Variants in KIF6 observed in about 807,000 individuals in gnomAD.
KIF6 encodes the protein kinesin family member 6.
Under a neutral mutation model 112.7 loss-of-function variants are expected in KIF6, and 106 were observed. The ratio of observed to expected loss-of-function variants is 0.94; its 90% CI spans 0.80 to 1.11. KIF6 has a LOEUF of 1.11. Ranked by LOEUF, KIF6 falls within the 50% of genes least tolerant of loss-of-function variation. KIF6 has a pLI of 0.00. For missense variants in KIF6, 929 were observed against 964.0 expected (o/e 0.96, Z 0.48); for synonymous variants, 339 against 339.9 (o/e 1.00, Z 0.03).
chr6:39,358,158 T>C (rs1359104714), intron 18 of KIF6, among the ~76,000 whole-genome samples: 1 of 152,198 alleles, frequency 6.6e-6, no homozygotes, highest in Non-Finnish European at 1.5e-5. Flanking sequence ...GGTCTAAGTC[T>C]TGGCAGAATG....
At chr6:39,545,356 C>A (rs190698866) in intron 11 of KIF6, among the ~76,000 whole-genome samples, 2 of 152,230 alleles carry the variant, frequency 1.3e-5, no homozygotes, top group East Asian at 1.9e-4. Flanking sequence ...GGTAGAGATT[C>A]CTGACAAAAG....
At chr6:39,445,837 G>C (rs1185408403) in intron 13 of KIF6, among the ~76,000 whole-genome samples, 1 of 152,218 alleles carries the variant, frequency 6.6e-6, no homozygotes, top group Non-Finnish European at 1.5e-5. Context: ...GAAGGGCTTG[G>C]CATGGAGACT....
chr6:39,719,692 T>G (rs1323056620), intron 2 of KIF6, among the ~76,000 whole-genome samples: 1 of 152,192 alleles, frequency 6.6e-6, no homozygotes, highest in African/African-American at 2.4e-5. Context: ...CTGATGACCA[T>G]GCAAGGGTAG....
In KIF6 at chr6:39,533,928, C is replaced by T. The variant is rs150852132; in HGVS notation, c.1645+6075G>A. Among the ~76,000 whole-genome samples the T allele has an allele frequency of 7.6e-3, 1,150 of 152,310 alleles. 15 individuals carry two copies. The highest frequency in any genetic ancestry group is 0.026 in the African/African-American group (1,064 of 41,556). On this transcript the variant is annotated intron_variant, in intron 13 of 22. Transcript: ENST00000287152. ...TGAAAATCTGCTGTTCTGCAGCCAC[C>T]GCTACTGATACCCAGGCAGATAGGG...
At chr6:39,709,687 C>A (rs1019160912) in intron 3 of KIF6, among the ~76,000 whole-genome samples, 3 of 152,160 alleles carry the variant, frequency 2.0e-5, no homozygotes, top group Non-Finnish European at 2.9e-5. Flanking sequence ...TTTTATTTAG[C>A]CTTAATTGCA....
intron 19 of KIF6, among the ~76,000 whole-genome samples, chr6:39,349,236 C>T (rs1218631869): frequency 6.6e-6 from 1 of 152,194 alleles, no homozygotes; most frequent in Non-Finnish European, 1.5e-5. Context: ...AAGGCCAAGA[C>T]AAGGTGGAAG....
At chr6:39,347,270 C>G (rs1013855695) in intron 19 of KIF6, among the ~76,000 whole-genome samples, 6 of 152,188 alleles carry the variant, frequency 3.9e-5, no homozygotes, top group Admixed American at 3.9e-4. Context: ...GGGCTTGACT[C>G]TGTGGCATTC....
chr6:39,634,930 A>G lies in KIF6; in HGVS notation c.428T>C (p.Ile143Thr). 6.2e-7 allele frequency: 1 copy of G among 1,610,320 alleles called. No individual in the cohort carries two copies. The highest frequency in any genetic ancestry group is 8.5e-7 in the Non-Finnish European group (1 of 1,176,834). Residue 143 changes from isoleucine (I) to threonine (T), a missense_variant, in exon 5 of 23, where the codon ATT becomes ACT. Physicochemically the swap from Ile to Thr is moderately conservative, Grantham distance 89 (BLOSUM62 -1). This residue lies in a region of KIF6 where 688 missense variants were observed against 662.7 expected (regional missense o/e 1.04). Transcript: ENST00000287152. ...TTCATTGTAGATTTCCAAATAGGAA[A>G]TGTGTGTTGTATATATTTTGCTGCT... is the stretch of plus-strand genomic sequence containing the variant. ...KDSSKIYTTH[I>T]SYLEIYNECG...
At chr6:39,426,839 G>A (rs1218981527) in intron 14 of KIF6, among the ~76,000 whole-genome samples, 3 of 152,152 alleles carry the variant, frequency 2.0e-5, no homozygotes, top group Non-Finnish European at 2.9e-5. Context: ...TATACTCTGG[G>A]TCAGGGCTGA....
intron 19 of KIF6, among the ~76,000 whole-genome samples, chr6:39,353,446 T>C (rs1459516653): frequency 1.3e-5 from 2 of 152,246 alleles, no homozygotes; most frequent in Non-Finnish European, 2.9e-5. Context: ...GTTGAATTTT[T>C]AGAGCTCTTT....
intron 15 of KIF6, among the ~76,000 whole-genome samples, chr6:39,387,154 T>C (rs1213295717): frequency 6.6e-6 from 1 of 152,012 alleles, no homozygotes; most frequent in African/African-American, 2.4e-5. Flanking sequence ...TTCTGACTTG[T>C]ATGTATTCGA....
rs1229416984 is a variant in KIF6 at position 39,342,891 on chromosome 6, G to A, written c.2428+818C>T. On this transcript the variant is annotated intron_variant, in intron 22 of 22. Coordinates refer to ENST00000287152, the MANE Select transcript of KIF6 (RefSeq NM_145027.6). The surrounding 1 kb of genome is among the most constrained non-coding windows in gnomAD (Gnocchi z 4.7). Reference sequence around the variant, plus strand: ...GGAGAAGCTGAGTGCAGGCGCCACAGGGCAGGCATCAGTCATTATACATCG... The same window carrying A: ...GGAGAAGCTGAGTGCAGGCGCCACAAGGCAGGCATCAGTCATTATACATCG... 15 of 985,314 alleles carry A rather than the reference G, an allele frequency of 1.5e-5. No individual in the cohort carries two copies. The highest frequency in any genetic ancestry group is 1.7e-5 in the African/African-American group (1 of 57,230). The allele number at this position is 985,314 out of a possible 1,614,324, so 61.0% of individuals were successfully genotyped here. A position where few individuals can be genotyped will look rare whatever the true frequency, so the allele number is the denominator to read the frequency against.
chr6:39,659,813 T>C (rs988994768), intron 3 of KIF6, among the ~76,000 whole-genome samples: 1 of 152,226 alleles, frequency 6.6e-6, no homozygotes, highest in Non-Finnish European at 1.5e-5. Context: ...GTTTTGTGTA[T>C]TTCTTCACAG....
Position 39,343,866 on chromosome 6 carries a change from C to T in KIF6, c.2322-51G>A. The T allele has an allele frequency of 1.8e-6, 2 of 1,087,114 alleles. No individual in the cohort carries two copies. The highest frequency in any genetic ancestry group is 2.5e-5 in the East Asian group (1 of 40,804). 67.3% of individuals were successfully genotyped at this position (1,087,114 alleles called of 1,614,324 possible). A position where few individuals can be genotyped will look rare whatever the true frequency, so the allele number is the denominator to read the frequency against. Reference sequence around the variant, plus strand: ...TACTACACTTTACAACTGGACTCACCACTTATATTTCCAAAATGCTTTTCC... The same window carrying T: ...TACTACACTTTACAACTGGACTCACTACTTATATTTCCAAAATGCTTTTCC... On this transcript the variant is annotated intron_variant, in intron 21 of 22. Coordinates refer to ENST00000287152, the MANE Select transcript of KIF6 (RefSeq NM_145027.6). The surrounding 1 kb of genome is among the most constrained non-coding windows in gnomAD (Gnocchi z 4.1).
intron 13 of KIF6, among the ~76,000 whole-genome samples, chr6:39,537,009 T>C (rs1039076304): frequency 1.3e-5 from 2 of 152,200 alleles, no homozygotes; most frequent in African/African-American, 4.8e-5. Context: ...TTGACAAAAT[T>C]CAACAATGCT....
At chr6:39,688,038 A>G (rs1364168182) in intron 3 of KIF6, among the ~76,000 whole-genome samples, 2 of 152,230 alleles carry the variant, frequency 1.3e-5, no homozygotes, top group Non-Finnish European at 1.5e-5. Context: ...CGTAGGCCTG[A>G]AAGGTTACTG....
At chr6:39,479,764 T>C (rs1774683172) in intron 13 of KIF6, among the ~76,000 whole-genome samples, 1 of 152,178 alleles carries the variant, frequency 6.6e-6, no homozygotes. Flanking sequence ...GTGTCATCTA[T>C]GATTTCTTTC....
intron 5 of KIF6, among the ~76,000 whole-genome samples, chr6:39,625,538 A>G: frequency 6.6e-6 from 1 of 152,192 alleles, no homozygotes; most frequent in Admixed American, 6.6e-5. Context: ...AGAGGCTGCC[A>G]TTCCAGCTGT....
At chr6:39,707,508 A>G (rs1405317701) in intron 3 of KIF6, among the ~76,000 whole-genome samples, 1 of 152,210 alleles carries the variant, frequency 6.6e-6, no homozygotes, top group African/African-American at 2.4e-5. Flanking sequence ...ATATGAGGGG[A>G]AAAATCCAAG....
Sources: gnomAD v4.1 joint callset for allele counts (sites outside exome capture counted in the v4.1 genomes callset) on GRCh38, gnomAD v4.1.1 for gene constraint, gnomAD v4.1.1 regional missense constraint, Gnocchi (gnomAD v3.1) non-coding constraint, MANE v1.5 for transcripts, NCBI Gene and HGNC (gene_info 2026-07-23, HGNC 2026-07-21) for gene names.